Variants in ARHGAP24 observed in about 807,000 individuals in gnomAD.
ARHGAP24 encodes the protein rho GTPase-activating protein 24.
Under a neutral mutation model 76.4 loss-of-function variants are expected in ARHGAP24, and 50 were observed. That is an observed-to-expected ratio of 0.65 (90% confidence interval 0.52 to 0.83). The LOEUF (loss-of-function observed/expected upper bound fraction) is 0.83. ARHGAP24 is among the 40% of genes least tolerant of loss of function. ARHGAP24 has a pLI of 0.00. For synonymous variants in ARHGAP24, 345 were observed against 323.3 expected, an observed-to-expected ratio of 1.07 and a Z score of -0.72; for missense variants, 930 against 914.2, an observed-to-expected ratio of 1.02 and a Z score of -0.22.
chr4:85,492,130 T>C (rs1011619252), intron 1 of ARHGAP24, among the ~76,000 whole-genome samples: 3 of 150,552 alleles, frequency 2.0e-5, no homozygotes, highest in Non-Finnish European at 4.4e-5. Context: ...GTTCTTTGCC[T>C]TTTCTCTTTA....
rs70948743 is a variant in ARHGAP24 at position 85,655,818 on chromosome 4, A to AAG, written c.181-66041_181-66040dup. Among the ~76,000 whole-genome samples the AAG allele has an allele frequency of 6.3e-3, 222 of 35,390 alleles. 2 individuals are homozygous for AAG. Among genetic ancestry groups the AAG allele is most frequent in the South Asian group, 0.019 (25 of 1,288 alleles). The allele number at this position is 35,390 out of a possible 152,430, so 23.2% of individuals were successfully genotyped here. On this transcript the variant is annotated intron_variant, in intron 2 of 9. Coordinates refer to ENST00000395184, the MANE Select transcript of ARHGAP24 (RefSeq NM_001025616.3). ...AGAGAGAGAGAGAGAGAGAGAGAGA[A>AAG]AGAGAGAGAGAGAGAGAGAGAGAGA...
intron 3 of ARHGAP24, among the ~76,000 whole-genome samples, chr4:85,855,009 C>G (rs1731473807): frequency 6.6e-6 from 1 of 152,134 alleles, no homozygotes; most frequent in Admixed American, 6.6e-5. Flanking sequence ...ACCAGGTGAC[C>G]AGAAGTCATC....
intron 3 of ARHGAP24, among the ~76,000 whole-genome samples, chr4:85,735,084 C>T (rs897115132): frequency 2.0e-5 from 3 of 151,988 alleles, no homozygotes; most frequent in Admixed American, 6.6e-5. Flanking sequence ...TTTCAGGAAC[C>T]GTAATCTATT....
intron 2 of ARHGAP24, among the ~76,000 whole-genome samples, chr4:85,612,809 T>C (rs1235223109): frequency 6.9e-6 from 1 of 143,954 alleles, no homozygotes; most frequent in Non-Finnish European, 1.5e-5. Flanking sequence ...TTTTTTTTTT[T>C]TTTTTGTGGC....
chr4:85,518,188 G>A (rs1724588648), intron 1 of ARHGAP24, among the ~76,000 whole-genome samples: 1 of 152,092 alleles, frequency 6.6e-6, no homozygotes, highest in Non-Finnish European at 1.5e-5. Flanking sequence ...TATGTAAGGT[G>A]TTTTTGGAGG....
chr4:85,963,730 T>G (rs1332585835), intron 5 of ARHGAP24, among the ~76,000 whole-genome samples: 1 of 152,156 alleles, frequency 6.6e-6, no homozygotes, highest in Non-Finnish European at 1.5e-5. Flanking sequence ...AAATGACAAC[T>G]CTAATGACTA....
At chr4:85,700,117 G>A (rs925309618) in intron 2 of ARHGAP24, among the ~76,000 whole-genome samples, 5 of 152,058 alleles carry the variant, frequency 3.3e-5, no homozygotes, top group African/African-American at 7.2e-5. Context: ...GAGCTGAGCC[G>A]GGCATGGTGC....
rs1181260807 is a variant in ARHGAP24 at position 85,755,047 on chromosome 4, A to G, written c.268+33075A>G. Among the ~76,000 whole-genome samples the G allele has an allele frequency of 2.6e-5, 4 of 152,214 alleles. No homozygotes were observed. In the East Asian group the frequency reaches 7.7e-4, roughly 29 times the overall value. ...TAAGTTCTGCAAGCTTTCTGAGGAC[A>G]AAGAATGTATCTTTGTGTCACAAAC... is the stretch of plus-strand genomic sequence containing the variant. On this transcript the variant is annotated intron_variant, in intron 3 of 9. Transcript: ENST00000395184.
chr4:85,961,774 A>T (rs1738269859), intron 5 of ARHGAP24, among the ~76,000 whole-genome samples: 1 of 152,134 alleles, frequency 6.6e-6, no homozygotes, highest in South Asian at 2.1e-4. Flanking sequence ...ATATACACAC[A>T]CATATGCACA....
At chr4:85,935,706 A>G (rs1007146564) in intron 4 of ARHGAP24, among the ~76,000 whole-genome samples, 22 of 152,136 alleles carry the variant, frequency 1.4e-4, no homozygotes, top group Non-Finnish European at 4.4e-5. Flanking sequence ...CCCTTGTAGG[A>G]TGTCTGTGAA....
chr4:85,866,958 C>A (rs77033675), intron 3 of ARHGAP24, among the ~76,000 whole-genome samples: 1 of 152,086 alleles, frequency 6.6e-6, no homozygotes, highest in African/African-American at 2.4e-5. Context: ...TCATTAAACC[C>A]TCCATGAGTT....
At chr4:85,768,114 G>C in intron 3 of ARHGAP24, among the ~76,000 whole-genome samples, 1 of 151,970 alleles carries the variant, frequency 6.6e-6, no homozygotes, top group African/African-American at 2.4e-5. Flanking sequence ...ATAAATTGGC[G>C]TGACAACTTG....
At chr4:85,841,735 T>C (rs1730604361) in intron 3 of ARHGAP24, among the ~76,000 whole-genome samples, 1 of 152,206 alleles carries the variant, frequency 6.6e-6, no homozygotes, top group African/African-American at 2.4e-5. Flanking sequence ...TACACCTGTA[T>C]ATAAAACACA....
chr4:85,661,969 A>T (rs1722406704), intron 2 of ARHGAP24, among the ~76,000 whole-genome samples: 1 of 152,242 alleles, frequency 6.6e-6, no homozygotes, highest in Non-Finnish European at 1.5e-5. Context: ...ATAGTGCAGC[A>T]GTAAACATAC....
In ARHGAP24 at chr4:85,813,597, C is replaced by T. The variant is rs11930578; in HGVS notation, c.268+91625C>T. 9.8e-3 allele frequency among the ~76,000 whole-genome samples: 1,494 copies of T among 151,842 alleles called. 29 individuals carry two copies. Among genetic ancestry groups the T allele is most frequent in the African/African-American group, 0.034 (1,400 of 41,412 alleles). ...TGAAAACTGCCTAAATAATTATAAGCCCTACTTTTTGTTACTTATGAAAAA... is the reference window on the plus strand; with the variant it reads ...TGAAAACTGCCTAAATAATTATAAGTCCTACTTTTTGTTACTTATGAAAAA... On this transcript the variant is annotated intron_variant, in intron 3 of 9. Transcript: ENST00000395184.
At chr4:85,571,620 C>G (rs1727142934) in intron 2 of ARHGAP24, among the ~76,000 whole-genome samples, 1 of 152,116 alleles carries the variant, frequency 6.6e-6, no homozygotes, top group Non-Finnish European at 1.5e-5. Flanking sequence ...GTTCCTAAGG[C>G]ATTATAATTT....
At chr4:85,509,496 A>G (rs2110104533) in intron 1 of ARHGAP24, among the ~76,000 whole-genome samples, 1 of 152,258 alleles carries the variant, frequency 6.6e-6, no homozygotes, top group African/African-American at 2.4e-5. Flanking sequence ...ATGTGTTACA[A>G]AAACAAAATT....
intron 3 of ARHGAP24, among the ~76,000 whole-genome samples, chr4:85,920,181 A>C (rs1735647426): frequency 6.6e-6 from 1 of 152,200 alleles, no homozygotes; most frequent in South Asian, 2.1e-4. Flanking sequence ...TTGCATAGGT[A>C]AGGGTGAGAG....
chr4:85,902,145 G>A (rs1734530301), intron 3 of ARHGAP24, among the ~76,000 whole-genome samples: 1 of 152,116 alleles, frequency 6.6e-6, no homozygotes, highest in Non-Finnish European at 1.5e-5. Context: ...TCCCTGCAAA[G>A]GACATGAACT....
Sources: allele counts gnomAD v4.1 joint callset (sites outside exome capture counted in the v4.1 genomes callset), GRCh38; gene constraint gnomAD v4.1.1; transcripts MANE v1.5; gene names NCBI Gene and HGNC (gene_info 2026-07-23, HGNC 2026-07-21).